Variants in DGKQ observed in about 807,000 individuals in gnomAD.
DGKQ encodes the protein DAG kinase theta.
A neutral mutation model predicts 104.2 loss-of-function variants in DGKQ; 97 were observed. That is an observed-to-expected ratio of 0.93 (90% CI 0.79 to 1.10). The LOEUF (loss-of-function observed/expected upper bound fraction) is 1.10, where lower values mean the gene tolerates loss of function less well. Among genes scored for constraint, DGKQ ranks in the 50% least tolerant of loss-of-function variants. The pLI, the probability that DGKQ is intolerant of heterozygous loss-of-function variation, is 0.00. For missense variants in DGKQ, 1,465 were observed against 1,352.1 expected, an observed-to-expected ratio of 1.08 and a Z score of -1.31; for synonymous variants, 736 against 595.2, an observed-to-expected ratio of 1.24 and a Z score of -3.44.
At chr4:965,598 C>T in intron 13 of DGKQ, 69 bp from the exon 14 acceptor site, 1 of 1,554,558 alleles carries the variant, frequency 6.4e-7, no homozygotes, top group Non-Finnish European at 8.8e-7. Context: ...CAGGGACAGC[C>T]CCTCCGCCTG....
Position 967,998 on chromosome 4 carries a change from A to G in DGKQ, c.693T>C (p.Ala231=). The G allele has an allele frequency of 6.8e-7, 1 of 1,461,078 alleles. No homozygotes were observed. Among genetic ancestry groups the G allele is most frequent in the African/African-American group, 1.5e-5 (1 of 68,092 alleles). 90.5% of individuals were successfully genotyped at this position (1,461,078 alleles called of 1,614,324 possible). The change falls in exon 6 of 23, where the codon GCT becomes GCC. Residue 231 remains alanine, a synonymous_variant. Transcript: ENST00000273814. The part of the protein sequence containing the change: ...QAHSLCSAAL[A]PECGFGRLRS... ...GCAGACGCCCGAAGCCACACTCGGG[A>G]GCCAGCGCCGCGGAGCAGAGGGAGT... is the stretch of plus-strand genomic sequence containing the variant.
Position 963,219 on chromosome 4 carries a change from G to A in DGKQ, c.1806C>T (p.Gly602=). 6.2e-7 allele frequency: 1 copy of A among 1,611,646 alleles called. No homozygotes were observed. The change falls in exon 16 of 23, where the codon GGC becomes GGT. Residue 602 remains glycine (G), a synonymous_variant. Transcript: ENST00000273814. ...FVNPKSGGLK[G]RDLLCSFRKL... ...TCCGGAAGCTGCAGAGCAGGTCTCG[G>A]CCCTTGAGGCCTCCACTCTTGGGGT...
At chr4:962,161 G>A (rs1397224769) in intron 18 of DGKQ, 79 bp from the exon 19 acceptor site, 2 of 1,318,732 alleles carry the variant, frequency 1.5e-6, no homozygotes, top group East Asian at 4.6e-5. Flanking sequence ...TCTGCCGGCA[G>A]GCAGAGACAA....
rs1356382421 is a variant in DGKQ, at chr4:973,485, C to CCGGCCCGAG, written c.-12_-4dup. 4 of 987,666 alleles carry CCGGCCCGAG rather than the reference C, an allele frequency of 4.0e-6. No individual in the cohort carries two copies. The highest frequency in any genetic ancestry group is 3.5e-5 in the African/African-American group (2 of 57,008). The allele number at this position is 987,666 out of a possible 1,614,324, so 61.2% of individuals were successfully genotyped here. On this transcript the variant is annotated 5_prime_UTR_variant, in exon 1 of 23. Transcript: ENST00000273814. ...CCGGGCTCGGCCGCCGCCGCCATTC[C>CCGGCCCGAG]CGGCCCGAGCGGCCCGAGCCCCTTT...
Position 967,773 on chromosome 4 carries a change from C to T in DGKQ, c.841G>A (p.Ala281Thr), listed in dbSNP as rs775323527. 8.1e-6 allele frequency: 13 copies of T among 1,607,088 alleles called. No homozygotes were observed. The highest frequency in any genetic ancestry group is 4.4e-5 in the South Asian group (4 of 90,556). The change falls in exon 7 of 23, where the codon GCT becomes ACT. Residue 281 changes from alanine (A) to threonine (T), a missense_variant. Ala to Thr is a moderately conservative substitution (Grantham distance 58). Coordinates refer to ENST00000273814, the MANE Select transcript of DGKQ (RefSeq NM_001347.4). ...GTCTCTCTGCCTGGACCCACGGCAG[C>T]GCTCCCGTCGGCGCCGTCGCCCCCC... ...GEGGDGADGSAAVGPGRETQA... is the reference protein window; with the variant it reads ...GEGGDGADGSTAVGPGRETQA...
intron 17 of DGKQ, 31 bp from the exon 18 acceptor site, chr4:962,644 C>T: frequency 1.3e-6 from 2 of 1,598,088 alleles, no homozygotes; most frequent in Non-Finnish European, 1.7e-6. Flanking sequence ...GAGCATCTGT[C>T]CACACCCACC....
intron 15 of DGKQ, 82 bp downstream of exon 15, chr4:965,094 G>A: frequency 9.5e-7 from 1 of 1,055,778 alleles, no homozygotes; most frequent in Non-Finnish European, 1.4e-6. Context: ...GTCTGGCTGT[G>A]GGGCCTGTGC....
intron 2 of DGKQ, 64 bp downstream of exon 2, chr4:970,929 G>T: frequency 3.0e-6 from 4 of 1,313,088 alleles, no homozygotes; most frequent in South Asian, 1.3e-5. Context: ...TCAGTGCCTC[G>T]ACCCTACGAG....
chr4:964,164 G>C (rs1394358890), intron 15 of DGKQ: 1 of 154,592 alleles, frequency 6.5e-6, no homozygotes, highest in Non-Finnish European at 1.5e-5. Context: ...GAGCTGGGGT[G>C]GGGGCTGCAT....
At position 966,007 on chromosome 4, in the gene DGKQ, G is replaced by A. The variant is rs1394295386; in HGVS notation, c.1500C>T (p.Ser500=). 6.2e-7 allele frequency: 1 copy of A among 1,605,598 alleles called. No homozygotes were observed. The highest frequency in any genetic ancestry group is 1.3e-5 in the African/African-American group (1 of 75,006). The stretch of plus-strand genomic sequence containing the variant: ...CGGGAGGCAGGCCGCCAACAAACAG[G>A]GAGACGTGCGGGGCTACATCCCTGC... The part of the protein sequence containing the change: ...AESRDVAPHV[S]LFVGGLPPGL... The change falls in exon 13 of 23, where the codon TCC becomes TCT. Residue 500 remains serine, a synonymous_variant. Transcript: ENST00000273814.
At chr4:970,679 G>A (rs189453688) in intron 2 of DGKQ, among the ~76,000 whole-genome samples, 1 of 151,996 alleles carries the variant, frequency 6.6e-6, no homozygotes, top group Non-Finnish European at 1.5e-5. Flanking sequence ...CCCTCACGCT[G>A]CATGTCACAG....
At chr4:966,909 AC>A in intron 10 of DGKQ, 54 bp downstream of exon 10, 1 of 1,546,388 alleles carries the variant, frequency 6.5e-7, no homozygotes, top group Non-Finnish European at 8.8e-7. Context: ...CCTCCTGGGG[AC>A]AGCGACCCCC....
intron 22 of DGKQ, 61 bp from the exon 23 acceptor site, chr4:960,782 G>A: frequency 6.3e-7 from 1 of 1,582,406 alleles, no homozygotes; most frequent in Non-Finnish European, 8.6e-7. Context: ...ACGGTACACG[G>A]GCAGCCCCCG....
chr4:967,641 T>C lies in DGKQ; in HGVS notation c.895A>G (p.Thr299Ala). ...TQATPESGKQ[T>A]LKIFDGDDAV... ...TCGTCGCCATCAAAGATCTTCAGCG[T>C]TTGCTTCCCTGGGCCGGGTAAGCTC... Residue 299 changes from threonine to alanine, a missense_variant, in exon 8 of 23, where the codon ACG becomes GCG. Coordinates refer to ENST00000273814, the MANE Select transcript of DGKQ (RefSeq NM_001347.4). 1.2e-6 allele frequency: 2 copies of C among 1,612,598 alleles called. No homozygotes were observed. Among genetic ancestry groups the C allele is most frequent in the South Asian group, 1.1e-5 (1 of 91,068 alleles).
At chr4:972,809 T>TCTCC (rs1713039965) in intron 1 of DGKQ, among the ~76,000 whole-genome samples, 1 of 151,380 alleles carries the variant, frequency 6.6e-6, no homozygotes, top group African/African-American at 2.4e-5. Context: ...CCGGCCTGGC[T>TCTCC]CTCCAGGAGG....
At position 969,082 on chromosome 4, in the gene DGKQ, G is replaced by C. The variant is rs151059805; in HGVS notation, c.352-172C>G. Reference sequence around the variant, plus strand: ...AGGAACAACCACACCCCCAGGTCCTGGGGACAGCCTGGCTGGTCAAAAGCA... The same window carrying C: ...AGGAACAACCACACCCCCAGGTCCTCGGGACAGCCTGGCTGGTCAAAAGCA... On this transcript the variant is annotated intron_variant, in intron 2 of 22. Coordinates refer to ENST00000273814, the MANE Select transcript of DGKQ (RefSeq NM_001347.4). Among the ~76,000 whole-genome samples the C allele has an allele frequency of 2.1e-3, 322 of 152,278 alleles. 3 individuals carry two copies. The East Asian group carries it at 0.038, about 18-fold the overall frequency.
At chr4:968,065 AG>A in intron 5 of DGKQ, 38 bp from the exon 6 acceptor site, 5 of 1,372,014 alleles carry the variant, frequency 3.6e-6, no homozygotes, top group Non-Finnish European at 4.7e-6. Flanking sequence ...GGTTGGAGCC[AG>A]GGTGCGGGGG....
Position 973,458 on chromosome 4 carries a change from C to A in DGKQ, c.25G>T (p.Ala9Ser). 1 of 986,634 alleles carries A rather than the reference C, an allele frequency of 1.0e-6. No homozygotes were observed. The highest frequency in any genetic ancestry group is 1.2e-6 in the Non-Finnish European group (1 of 831,948). The allele number at this position is 986,634 out of a possible 1,614,324, so 61.1% of individuals were successfully genotyped here. Reference sequence around the variant, plus strand: ...GAGCCGCCGCCCAGCCAGGCGCGGGCCCCGGGCTCGGCCGCCGCCGCCATT... The same window carrying A: ...GAGCCGCCGCCCAGCCAGGCGCGGGACCCGGGCTCGGCCGCCGCCGCCATT... MAAAAEPG[A>S]RAWLGGGSPR... The change falls in exon 1 of 23, where the codon GCC (alanine) becomes TCC (serine). Residue 9 changes from alanine to serine, a missense_variant. Transcript: ENST00000273814.
intron 18 of DGKQ, 151 bp from the exon 19 acceptor site, chr4:962,233 G>A (rs1377477556): frequency 3.4e-6 from 3 of 890,148 alleles, no homozygotes; most frequent in Admixed American, 2.4e-5. Flanking sequence ...GGCAGGTCCT[G>A]GCCAGGCTCT....
Sources: gnomAD v4.1 joint callset for allele counts (sites outside exome capture counted in the v4.1 genomes callset) on GRCh38, gnomAD v4.1.1 for gene constraint, MANE v1.5 for transcripts, NCBI Gene and HGNC (gene_info 2026-07-23, HGNC 2026-07-21) for gene names.